The following ABLIM1 variants were observed in gnomAD, a reference collection of about 807,000 sequenced individuals.
The protein encoded by ABLIM1 is actin binding LIM protein 1, also known as actin-binding LIM protein 1.
In ABLIM1, 40 loss-of-function variants were observed where a neutral mutation model predicts 107.0. The observed-to-expected ratio is 0.37, with a 90% CI of 0.29 to 0.49. The LOEUF (loss-of-function observed/expected upper bound fraction) is 0.49, where lower values mean the gene tolerates loss of function less well. Among genes scored for constraint, ABLIM1 ranks in the 20% least tolerant of loss-of-function variants. The pLI is 0.97. For synonymous variants in ABLIM1, 357 were observed against 357.3 expected, an observed-to-expected ratio of 1.00 and a Z score of 0.01; for missense variants, 857 against 1,008.5, an observed-to-expected ratio of 0.85 and a Z score of 2.04.
chr10:114,558,361 A>C (rs1034059931), intron 4 of ABLIM1, among the ~76,000 whole-genome samples: 3 of 152,214 alleles, frequency 2.0e-5, no homozygotes, highest in African/African-American at 7.2e-5. Context: ...CAAAAGAAAT[A>C]GAAGATAGTC....
At chr10:114,635,927 G>A (rs545915642) in intron 1 of ABLIM1, among the ~76,000 whole-genome samples, 1 of 152,310 alleles carries the variant, frequency 6.6e-6, no homozygotes, top group East Asian at 1.9e-4. Context: ...CTTAGTGTTG[G>A]CATCAATCAA....
chr10:114,741,557 T>A (rs1341135466), intron 1 of ABLIM1, among the ~76,000 whole-genome samples: 1 of 152,034 alleles, frequency 6.6e-6, no homozygotes, highest in African/African-American at 2.4e-5. Context: ...TTGAAGGTAA[T>A]GAAAGAGCAC....
intron 1 of ABLIM1, among the ~76,000 whole-genome samples, chr10:114,716,410 AACACAC>A (rs56097544): frequency 1.3e-4 from 18 of 143,618 alleles, no homozygotes; most frequent in Admixed American, 8.4e-4. Flanking sequence ...GGTAGAGAGA[AACACAC>A]ACACACACAC....
At chr10:114,477,473 A>G (rs2056635560) in intron 8 of ABLIM1, among the ~76,000 whole-genome samples, 1 of 152,150 alleles carries the variant, frequency 6.6e-6, no homozygotes, top group Non-Finnish European at 1.5e-5. Flanking sequence ...GGTCACTCGT[A>G]TGTTACTCAT....
intron 2 of ABLIM1, among the ~76,000 whole-genome samples, chr10:114,583,170 C>T (rs9421188): frequency 6.6e-6 from 1 of 150,724 alleles, no homozygotes; most frequent in Non-Finnish European, 1.5e-5. Flanking sequence ...AAGCAAAAAA[C>T]AAATAACTCC....
chr10:114,467,749 T>G (rs532079506), intron 11 of ABLIM1, among the ~76,000 whole-genome samples: 2 of 152,276 alleles, frequency 1.3e-5, no homozygotes, highest in Non-Finnish European at 2.9e-5. Flanking sequence ...GGTTTTAGGA[T>G]CAGATGATTG....
At chr10:114,464,836 A>T (rs181497735) in intron 12 of ABLIM1, among the ~76,000 whole-genome samples, 23 of 152,334 alleles carry the variant, frequency 1.5e-4, no homozygotes, top group African/African-American at 5.3e-4. Context: ...AGAAGCAAGA[A>T]GCTTAACATG....
chr10:114,448,279 A>G (rs983404057), intron 14 of ABLIM1, among the ~76,000 whole-genome samples: 1 of 152,238 alleles, frequency 6.6e-6, no homozygotes, highest in African/African-American at 2.4e-5. Flanking sequence ...AGTGCTGCCC[A>G]GCACTAGCTA....
intron 1 of ABLIM1, among the ~76,000 whole-genome samples, chr10:114,612,554 AC>A (rs2076880569): frequency 6.6e-6 from 1 of 152,194 alleles, no homozygotes; most frequent in South Asian, 2.1e-4. Flanking sequence ...ACTGTCACTA[AC>A]CTGTATGAGC....
chr10:114,689,651 C>T (rs557927564), upstream of ABLIM1, among the ~76,000 whole-genome samples: 139 of 152,098 alleles, frequency 9.1e-4, 2 homozygotes, highest in South Asian at 0.02. Context: ...TATGAGCCAC[C>T]GCACCTGGCC....
chr10:114,477,552 C>T (rs1478577590), intron 8 of ABLIM1, among the ~76,000 whole-genome samples: 1 of 152,170 alleles, frequency 6.6e-6, no homozygotes, highest in Non-Finnish European at 1.5e-5. Context: ...CTGGGGATGG[C>T]TCTGAATGGT....
intron 1 of ABLIM1, among the ~76,000 whole-genome samples, chr10:114,665,923 T>C (rs1047378920): frequency 6.6e-6 from 1 of 152,262 alleles, no homozygotes; most frequent in African/African-American, 2.4e-5. Flanking sequence ...GAATAAAAGA[T>C]GCCTTTGGCT....
At chr10:114,646,521 A>T (rs561756418) in intron 1 of ABLIM1, among the ~76,000 whole-genome samples, 22 of 152,246 alleles carry the variant, frequency 1.4e-4, no homozygotes, top group Non-Finnish European at 2.2e-4. Context: ...CTTACATCTA[A>T]GTAGACCAAA....
At chr10:114,732,287 G>A (rs11814176) in intron 1 of ABLIM1, among the ~76,000 whole-genome samples, 1,505 of 148,456 alleles carry the variant, frequency 0.01, 25 homozygotes, top group African/African-American at 0.034. Flanking sequence ...AGATTCAAGC[G>A]ATTCTCCTCG....
the ABLIM1 span, among the ~76,000 whole-genome samples, chr10:114,787,923 T>G: frequency 6.9e-6 from 1 of 144,818 alleles, no homozygotes; most frequent in African/African-American, 2.5e-5. Context: ...AGAAATCGGA[T>G]GGTTGCCGTG....
chr10:114,767,922 G>C, intron 1 of ABLIM1: 2 of 318,316 alleles, frequency 6.3e-6, no homozygotes, highest in Non-Finnish European at 1.3e-5. Flanking sequence ...CCCGGCCCCC[G>C]GCAGCCCCGA....
At chr10:114,471,388 C>T (rs2066517779) in intron 10 of ABLIM1, among the ~76,000 whole-genome samples, 1 of 152,194 alleles carries the variant, frequency 6.6e-6, no homozygotes, top group South Asian at 2.1e-4. Context: ...AGTAAATTCT[C>T]ATCCACAGGG....
intron 10 of ABLIM1, among the ~76,000 whole-genome samples, chr10:114,470,150 C>T (rs2133859649): frequency 6.6e-6 from 1 of 152,240 alleles, no homozygotes; most frequent in African/African-American, 2.4e-5. Flanking sequence ...AGGCCAGGTG[C>T]GGTGGCTCAC....
chr10:114,647,708 T>G (rs1039609870), intron 1 of ABLIM1, among the ~76,000 whole-genome samples: 1 of 152,194 alleles, frequency 6.6e-6, no homozygotes, highest in Non-Finnish European at 1.5e-5. Flanking sequence ...CTTTGTGAGC[T>G]AGATTTTTCT....
Sources: allele counts gnomAD v4.1 joint callset (sites outside exome capture counted in the v4.1 genomes callset), GRCh38; gene constraint gnomAD v4.1.1; transcripts MANE v1.5; gene names NCBI Gene and HGNC (gene_info 2026-07-23, HGNC 2026-07-21).